SNRPN: variants seen among roughly 807,000 people sequenced by gnomAD.
SNRPN encodes the protein small nuclear ribonucleoprotein polypeptide N.
SNRPN carries 7 observed loss-of-function variants against 25.2 expected under a neutral mutation model. The ratio of observed to expected loss-of-function variants is 0.28; its 90% CI spans 0.16 to 0.52. The LOEUF is 0.52. SNRPN is among the 20% of genes least tolerant of loss of function. The probability of loss-of-function intolerance (pLI) is 0.96; values close to 1 mark genes in which losing one functional copy is unlikely to be tolerated. For synonymous variants in SNRPN, 124 were observed against 110.6 expected (o/e 1.12, Z -0.76); for missense variants, 196 against 322.5 (o/e 0.61, Z 3.00).
chr15:24,908,650 C>G (rs1004783390), intron 2 of SNRPN, among the ~76,000 whole-genome samples: 2 of 151,886 alleles, frequency 1.3e-5, no homozygotes, highest in African/African-American at 4.8e-5. Context: ...CAGCTGGTTA[C>G]AGGGAGAAGG....
intron 3 of SNRPN, among the ~76,000 whole-genome samples, chr15:24,972,199 T>G (rs556084949): frequency 2.2e-3 from 327 of 146,578 alleles, no homozygotes; most frequent in African/African-American, 8.0e-3. Flanking sequence ...GAGGCTGCAG[T>G]GAGCCGAGAT....
chr15:24,862,795 A>G (rs115136082), intron 1 of SNRPN, among the ~76,000 whole-genome samples: 2,525 of 150,598 alleles, frequency 0.017, 193 homozygotes, highest in African/African-American at 0.058. Flanking sequence ...CTGAAGAGTG[A>G]GGGGCAGGGG....
chr15:24,902,544 CG>C (rs2058529679), intron 2 of SNRPN, among the ~76,000 whole-genome samples: 1 of 152,132 alleles, frequency 6.6e-6, no homozygotes, highest in Non-Finnish European at 1.5e-5. Context: ...AGAATGAAGC[CG>C]TGCACCCTGG....
chr15:24,928,452 T>C (rs986436585), intron 3 of SNRPN, among the ~76,000 whole-genome samples: 1 of 151,912 alleles, frequency 6.6e-6, no homozygotes, highest in Non-Finnish European at 1.5e-5. Context: ...TGGAGGACAT[T>C]ATGTTAAATG....
At chr15:24,941,875 G>A (rs1030728837) in intron 3 of SNRPN, among the ~76,000 whole-genome samples, 1 of 152,040 alleles carries the variant, frequency 6.6e-6, no homozygotes, top group Non-Finnish European at 1.5e-5. Context: ...GCTGCCCGGG[G>A]TTCAAACAAT....
At chr15:24,912,000 G>A (rs1053428238) in intron 2 of SNRPN, among the ~76,000 whole-genome samples, 4 of 152,182 alleles carry the variant, frequency 2.6e-5, no homozygotes, top group Non-Finnish European at 4.4e-5. Context: ...TGGGGGCTTG[G>A]GAACCTAAGC....
In SNRPN at chr15:24,831,688, CT is replaced by C. The variant is rs541170968; in HGVS notation, c.-579+1789del. On this transcript the variant is annotated intron_variant, in intron 2 of 12. Transcript: ENST00000400100. ...TCTACTTTGTATTTATATAAATGAG[CT>C]TTTTTAGATTCCGCTTACACATGGG... Among the ~76,000 whole-genome samples the C allele has an allele frequency of 3.0e-4, 45 of 152,044 alleles. No homozygotes were observed. The South Asian group carries it at 9.3e-3, about 32-fold the overall frequency.
intron 1 of SNRPN, among the ~76,000 whole-genome samples, chr15:24,874,850 A>G (rs2055692681): frequency 6.6e-6 from 1 of 152,222 alleles, no homozygotes; most frequent in African/African-American, 2.4e-5. Flanking sequence ...AAGGTGATTC[A>G]GAAGAGTTTG....
At chr15:24,918,494 G>GTGTGTATATATAACATAATATATA (rs2059713975) in intron 2 of SNRPN, among the ~76,000 whole-genome samples, 1 of 125,744 alleles carries the variant, frequency 8.0e-6, no homozygotes, top group Non-Finnish European at 1.6e-5. Context: ...TAATATATAT[G>GTGTGTATATATAACATAATATATA]TGTGTATATA....
chr15:24,964,509 G>A (rs1487481213), intron 2 of SNRPN, among the ~76,000 whole-genome samples: 1 of 152,050 alleles, frequency 6.6e-6, no homozygotes, highest in Non-Finnish European at 1.5e-5. Flanking sequence ...GGTCAGGCTG[G>A]GCTCGAACTC....
At chr15:24,958,037 A>C (rs961945098) in intron 1 of SNRPN, among the ~76,000 whole-genome samples, 4 of 152,124 alleles carry the variant, frequency 2.6e-5, no homozygotes, top group Admixed American at 2.0e-4. Context: ...GTTGTTGTCT[A>C]AGGCAGGGTA....
intron 2 of SNRPN, among the ~76,000 whole-genome samples, chr15:24,916,079 C>G (rs2059499334): frequency 6.9e-6 from 1 of 144,108 alleles, no homozygotes; most frequent in African/African-American, 2.6e-5. Context: ...TCAAGTGATT[C>G]TCCTGCCTCA....
chr15:24,857,599 C>T (rs910073499), intron 1 of SNRPN, among the ~76,000 whole-genome samples: 4 of 142,342 alleles, frequency 2.8e-5, no homozygotes. Flanking sequence ...TTTTTTTTTA[C>T]TCTGTCAATA....
intron 2 of SNRPN, among the ~76,000 whole-genome samples, chr15:24,897,860 T>C (rs920993401): frequency 3.9e-5 from 6 of 152,194 alleles, no homozygotes; most frequent in African/African-American, 1.4e-4. Flanking sequence ...TGTGAGTCCA[T>C]GAAACCTCTT....
chr15:24,950,910 G>A (rs2062215263), upstream of SNRPN, among the ~76,000 whole-genome samples: 1 of 151,396 alleles, frequency 6.6e-6, no homozygotes, highest in Non-Finnish European at 1.5e-5. Context: ...CGCCCAGGCT[G>A]GAGTGCAGTG....
At chr15:24,851,692 C>T (rs1030391820), upstream of SNRPN, 1 of 152,234 alleles carries the variant, frequency 6.6e-6, no homozygotes, top group Non-Finnish European at 1.5e-5. Context: ...TTCCTTGCAA[C>T]AGTACCTCCA....
At chr15:24,942,345 G>A (rs891985498) in intron 3 of SNRPN, 2 of 152,166 alleles carry the variant, frequency 1.3e-5, no homozygotes, top group African/African-American at 4.8e-5. Flanking sequence ...ACAGCCTCCT[G>A]AAAAGCCTTA....
At chr15:24,923,022 C>T (rs150711848) in intron 3 of SNRPN, among the ~76,000 whole-genome samples, 1 of 150,612 alleles carries the variant, frequency 6.6e-6, no homozygotes, top group African/African-American at 2.4e-5. Context: ...TCTCCTGCCT[C>T]AGACCCCCAT....
chr15:24,977,747 G>A lies in SNRPN; in HGVS notation c.421-31G>A, dbSNP rs773650451. On this transcript the variant is annotated intron_variant, in intron 7 of 9. Transcript: ENST00000390687. ...TTTGAATAATGTGAAGGTTTGCATCGCTTTGACTGTTTCCCGCCCTGCCTT... is the reference window on the plus strand; with the variant it reads ...TTTGAATAATGTGAAGGTTTGCATCACTTTGACTGTTTCCCGCCCTGCCTT... 31 of 1,556,030 alleles carry A rather than the reference G, an allele frequency of 2.0e-5. 1 individual carries two copies. Among genetic ancestry groups the A allele is most frequent in the South Asian group, 4.8e-5 (4 of 82,926 alleles).
Sources: gnomAD v4.1 joint callset for allele counts (sites outside exome capture counted in the v4.1 genomes callset) on GRCh38, gnomAD v4.1.1 for gene constraint, MANE v1.5 for transcripts, NCBI Gene and HGNC (gene_info 2026-07-23, HGNC 2026-07-21) for gene names.